Variants in SORCS2 observed in about 807,000 individuals in gnomAD.
The protein encoded by SORCS2 is sortilin related VPS10 domain containing receptor 2.
In SORCS2, 100 loss-of-function variants were observed where a neutral mutation model predicts 141.6. That is an observed-to-expected ratio of 0.71 (90% CI 0.60 to 0.83). The LOEUF (loss-of-function observed/expected upper bound fraction) is 0.83, where lower values mean the gene tolerates loss of function less well. Ranked by LOEUF, SORCS2 falls within the 40% of genes least tolerant of loss-of-function variation. The probability of loss-of-function intolerance (pLI) is 0.00; values close to 1 mark genes in which losing one functional copy is unlikely to be tolerated. For missense variants in SORCS2, 1,646 were observed against 1,560.2 expected (o/e 1.05, Z -0.93); for synonymous variants, 789 against 676.9 (o/e 1.17, Z -2.57).
chr4:7,386,600 ACG>A (rs1356155020), intron 1 of SORCS2, among the ~76,000 whole-genome samples: 11 of 148,800 alleles, frequency 7.4e-5, no homozygotes, highest in African/African-American at 2.2e-4. Flanking sequence ...ATTTGCACAC[ACG>A]CACACATATG....
intron 2 of SORCS2, among the ~76,000 whole-genome samples, chr4:7,397,691 C>T (rs1164523058): frequency 4.6e-5 from 7 of 152,156 alleles, no homozygotes; most frequent in African/African-American, 1.7e-4. Flanking sequence ...AAAGTGTAAG[C>T]TCCGTGGGCC....
At chr4:7,268,832 C>T (rs1714921213) in intron 1 of SORCS2, among the ~76,000 whole-genome samples, 1 of 152,150 alleles carries the variant, frequency 6.6e-6, no homozygotes, top group African/African-American at 2.4e-5. Flanking sequence ...AGGGAGAGGG[C>T]CTGGAGGGGA....
chr4:7,223,502 A>T (rs1314244003), intron 1 of SORCS2, among the ~76,000 whole-genome samples: 1 of 152,200 alleles, frequency 6.6e-6, no homozygotes, highest in Non-Finnish European at 1.5e-5. Context: ...GATGTGCATT[A>T]ACCCAATTAA....
intron 2 of SORCS2, among the ~76,000 whole-genome samples, chr4:7,519,481 C>G (rs1733188635): frequency 6.6e-6 from 1 of 152,222 alleles, no homozygotes; most frequent in Admixed American, 6.5e-5. Context: ...GTCTCCCTGT[C>G]TGCACGGGAA....
rs190371693 is a variant in SORCS2 at position 7,347,681 on chromosome 4, T to C, written c.481-48607T>C. 2.0e-5 allele frequency among the ~76,000 whole-genome samples: 3 copies of C among 152,382 alleles called. No homozygotes were observed. In the East Asian group the frequency reaches 5.8e-4, roughly 29 times the overall value. On this transcript the variant is annotated intron_variant, in intron 1 of 26. Coordinates refer to ENST00000507866, the MANE Select transcript of SORCS2 (RefSeq NM_020777.3). Reference sequence around the variant, plus strand: ...GCATGCCATTCTGATCCTGTGGATTTGTGTGGACACTTTCCTCTGATATTA... The same window carrying C: ...GCATGCCATTCTGATCCTGTGGATTCGTGTGGACACTTTCCTCTGATATTA...
At chr4:7,609,731 CCCCCA>C (rs1311067213) in intron 3 of SORCS2, among the ~76,000 whole-genome samples, 1 of 152,192 alleles carries the variant, frequency 6.6e-6, no homozygotes, top group African/African-American at 2.4e-5. Context: ...AAGCCACCCA[CCCCCA>C]CCGCCCCCAT....
intron 1 of SORCS2, among the ~76,000 whole-genome samples, chr4:7,321,155 C>T (rs1474108022): frequency 1.3e-5 from 2 of 152,090 alleles, no homozygotes; most frequent in Non-Finnish European, 2.9e-5. Context: ...CTTTGCCTAC[C>T]CATAGCTTAG....
chr4:7,472,444 T>C (rs1702626124), intron 2 of SORCS2, among the ~76,000 whole-genome samples: 1 of 152,150 alleles, frequency 6.6e-6, no homozygotes, highest in Admixed American at 6.5e-5. Context: ...CCACAGAGCC[T>C]GCAGCTGGTC....
At chr4:7,544,110 A>G (rs1468281943) in intron 3 of SORCS2, among the ~76,000 whole-genome samples, 1 of 150,248 alleles carries the variant, frequency 6.7e-6, no homozygotes. Context: ...GCATCCACCC[A>G]TCCATCCACC....
intron 1 of SORCS2, among the ~76,000 whole-genome samples, chr4:7,255,824 G>A (rs1713819084): frequency 1.3e-5 from 2 of 151,060 alleles, no homozygotes; most frequent in African/African-American, 2.4e-5. Flanking sequence ...GGGTTGGAGC[G>A]TGGGGACCCG....
intron 20 of SORCS2, 37 bp downstream of exon 20, chr4:7,725,324 G>A (rs375439436): frequency 2.1e-5 from 34 of 1,594,554 alleles, no homozygotes; most frequent in Middle Eastern, 1.7e-4. Context: ...CCTTCTTCCC[G>A]CAGGCTCCCC....
chr4:7,434,159 G>T (rs187179620), intron 2 of SORCS2: 102 of 1,613,822 alleles, frequency 6.3e-5, no homozygotes, highest in Non-Finnish European at 8.5e-5. Flanking sequence ...GGGGGGAGAA[G>T]CCTCAGTGCT....
At chr4:7,489,251 G>A (rs528981801) in intron 2 of SORCS2, among the ~76,000 whole-genome samples, 1 of 152,248 alleles carries the variant, frequency 6.6e-6, no homozygotes, top group Non-Finnish European at 1.5e-5. Context: ...CTAGAGTCAT[G>A]TTCTCTGGGC....
intron 2 of SORCS2, among the ~76,000 whole-genome samples, chr4:7,517,992 AT>A: frequency 6.6e-6 from 1 of 152,242 alleles, no homozygotes; most frequent in East Asian, 1.9e-4. Context: ...CATGCTGAGT[AT>A]TTTGTGATAA....
chr4:7,729,462 G>A, intron 22 of SORCS2, 125 bp from the exon 23 acceptor site: 2 of 1,304,390 alleles, frequency 1.5e-6, no homozygotes, highest in Non-Finnish European at 2.1e-6. Context: ...CCATGCAGGG[G>A]TCAGGAACGG....
intron 2 of SORCS2, among the ~76,000 whole-genome samples, chr4:7,399,419 T>G (rs1466789135): frequency 6.6e-6 from 1 of 152,226 alleles, no homozygotes; most frequent in Admixed American, 6.5e-5. Flanking sequence ...ACAAGTATGG[T>G]CTTTTCATTC....
chr4:7,366,512 C>T (rs973665388), intron 1 of SORCS2, among the ~76,000 whole-genome samples: 1 of 149,398 alleles, frequency 6.7e-6, no homozygotes, highest in Non-Finnish European at 1.5e-5. Context: ...CAGGCTTCCC[C>T]TCCTCCCTCC....
At chr4:7,538,639 C>G (rs1182597354) in intron 3 of SORCS2, among the ~76,000 whole-genome samples, 1 of 150,892 alleles carries the variant, frequency 6.6e-6, no homozygotes, top group African/African-American at 2.5e-5. Context: ...TTATGTCAAG[C>G]TGGTGATCTG....
chr4:7,707,032 G>A (rs1006859081), intron 14 of SORCS2, among the ~76,000 whole-genome samples: 1 of 152,202 alleles, frequency 6.6e-6, no homozygotes, highest in Non-Finnish European at 1.5e-5. Context: ...CTCTGAGAGG[G>A]GAGGTACCTT....
Sources: allele counts gnomAD v4.1 joint callset (sites outside exome capture counted in the v4.1 genomes callset), GRCh38; gene constraint gnomAD v4.1.1; transcripts MANE v1.5; gene names NCBI Gene and HGNC (gene_info 2026-07-23, HGNC 2026-07-21).